The following NTN4 variants were observed in gnomAD, a reference collection of about 807,000 sequenced individuals.
NTN4 encodes netrin 4.
A neutral mutation model predicts 73.6 loss-of-function variants in NTN4; 32 were observed. The ratio of observed to expected loss-of-function variants is 0.44; its 90% CI spans 0.33 to 0.58. The LOEUF is 0.58. Ranked by LOEUF, NTN4 falls within the 20% of genes least tolerant of loss-of-function variation. NTN4 has a pLI of 0.04. For synonymous variants in NTN4, 258 were observed against 287.5 expected (o/e 0.90, Z 1.04); for missense variants, 654 against 798.3 (o/e 0.82, Z 2.18).
At chr12:95,727,789 T>A (rs1451878928) in intron 3 of NTN4, among the ~76,000 whole-genome samples, 1 of 152,202 alleles carries the variant, frequency 6.6e-6, no homozygotes, top group Non-Finnish European at 1.5e-5. Flanking sequence ...GGTCCTTTGC[T>A]TTCCCACCTG....
chr12:95,782,060 T>C (rs1385514681), intron 2 of NTN4, among the ~76,000 whole-genome samples: 1 of 152,210 alleles, frequency 6.6e-6, no homozygotes, highest in Non-Finnish European at 1.5e-5. Flanking sequence ...ACTAATCTCA[T>C]ATGAACTACC....
chr12:95,659,932 T>C (rs995215661), intron 9 of NTN4, among the ~76,000 whole-genome samples: 1 of 152,194 alleles, frequency 6.6e-6, no homozygotes, highest in African/African-American at 2.4e-5. Flanking sequence ...AGGACACTTA[T>C]CATACTGCCC....
intron 2 of NTN4, among the ~76,000 whole-genome samples, chr12:95,783,616 A>G (rs2079147619): frequency 6.6e-6 from 1 of 152,210 alleles, no homozygotes; most frequent in African/African-American, 2.4e-5. Flanking sequence ...ACTTGATTTT[A>G]TGGAACAAAT....
chr12:95,729,846 G>A (rs1000282650), intron 3 of NTN4, among the ~76,000 whole-genome samples: 1 of 152,100 alleles, frequency 6.6e-6, no homozygotes, highest in Non-Finnish European at 1.5e-5. Context: ...GACACGATTT[G>A]TGCACCAGAA....
At chr12:95,691,481 C>T (rs904322497) in intron 5 of NTN4, among the ~76,000 whole-genome samples, 4 of 152,140 alleles carry the variant, frequency 2.6e-5, no homozygotes, top group African/African-American at 4.8e-5. Context: ...CTACAACCTC[C>T]GCCTCCCAGG....
intron 2 of NTN4, among the ~76,000 whole-genome samples, chr12:95,750,770 C>T (rs2078900706): frequency 6.6e-6 from 1 of 152,180 alleles, no homozygotes; most frequent in Non-Finnish European, 1.5e-5. Flanking sequence ...CCCCAGGCTG[C>T]TCCTCGCCAG....
intron 5 of NTN4, among the ~76,000 whole-genome samples, chr12:95,704,641 C>G (rs7305686): frequency 0.11 from 16,417 of 152,040 alleles, 1,468 homozygotes; most frequent in East Asian, 0.56. Context: ...GTAGAGAGTA[C>G]GTAGGTAGAG....
intron 5 of NTN4, among the ~76,000 whole-genome samples, chr12:95,707,723 C>T (rs1249750320): frequency 6.6e-6 from 1 of 152,162 alleles, no homozygotes; most frequent in Non-Finnish European, 1.5e-5. Context: ...GCACCTGGCA[C>T]ATAGTAGGCG....
chr12:95,701,987 C>T (rs527465586), intron 5 of NTN4, among the ~76,000 whole-genome samples: 1 of 152,012 alleles, frequency 6.6e-6, no homozygotes, highest in African/African-American at 2.4e-5. Flanking sequence ...GATTAGAAAG[C>T]TGGACAAACT....
intron 5 of NTN4, among the ~76,000 whole-genome samples, chr12:95,698,395 T>G (rs1449161069): frequency 1.3e-5 from 2 of 152,244 alleles, no homozygotes; most frequent in Non-Finnish European, 2.9e-5. Context: ...TCTAATTGTT[T>G]GCTTGATTAT....
At chr12:95,779,370 C>CAAA (rs1187695788) in intron 2 of NTN4, among the ~76,000 whole-genome samples, 6 of 152,340 alleles carry the variant, frequency 3.9e-5, no homozygotes, top group South Asian at 2.1e-4. Flanking sequence ...CAAATTGTCC[C>CAAA]TGTTTGCAGA....
At chr12:95,694,119 C>A (rs1224901469) in intron 5 of NTN4, among the ~76,000 whole-genome samples, 3 of 152,188 alleles carry the variant, frequency 2.0e-5, no homozygotes, top group African/African-American at 4.8e-5. Flanking sequence ...TGGAATTCAG[C>A]ATCTTACCGC....
chr12:95,786,858 G>T, intron 2 of NTN4, 81 bp downstream of exon 2: 2 of 1,091,160 alleles, frequency 1.8e-6, no homozygotes, highest in Non-Finnish European at 2.7e-6. Context: ...TACAAGTATA[G>T]CTTCATGCTT....
intron 2 of NTN4, among the ~76,000 whole-genome samples, chr12:95,748,230 C>CAAAAAAAAAAAAAAAA (rs769213172): frequency 1.3e-5 from 1 of 76,574 alleles, no homozygotes; most frequent in African/African-American, 5.0e-5. Context: ...GACTCTGTCT[C>CAAAAAAAAAAAAAAAA]AAAAAAAAAA....
chr12:95,727,793 C>T lies in NTN4; in HGVS notation c.864+10073G>A, dbSNP rs563117711. On this transcript the variant is annotated intron_variant, in intron 3 of 9. Transcript: ENST00000343702. ...TGGCTATTTGAGGTCCTTTGCTTTC[C>T]CACCTGAATTTTAGGTTCAGCTGGT... 2.0e-5 allele frequency among the ~76,000 whole-genome samples: 3 copies of T among 152,204 alleles called. No individual in the cohort carries two copies. In the South Asian group the frequency reaches 6.2e-4, roughly 32 times the overall value.
At position 95,786,989 on chromosome 12, in the gene NTN4, C is replaced by G. The variant is rs142996736; in HGVS notation, c.535G>C (p.Ala179Pro). 5 of 1,614,004 alleles carry G rather than the reference C, an allele frequency of 3.1e-6. No homozygotes were observed. Among genetic ancestry groups the G allele is most frequent in the Non-Finnish European group, 4.2e-6 (5 of 1,179,992 alleles). Residue 179 changes from alanine (A) to proline (P), a missense_variant, in exon 2 of 10, where the codon GCT becomes CCT. By Grantham distance (27) the Ala-to-Pro change is conservative (BLOSUM62 -1). Transcript: ENST00000343702. ...CTGGAGTATTTAGAAGTACAAATAGCGCCCTTCTTGACAACATCATCTTCC... is the reference window on the plus strand; with the variant it reads ...CTGGAGTATTTAGAAGTACAAATAGGGCCCTTCTTGACAACATCATCTTCC... ...GLEDDVVKKG[A>P]ICTSKYSSPF...
intron 2 of NTN4, among the ~76,000 whole-genome samples, chr12:95,751,135 C>T (rs1209651608): frequency 2.0e-5 from 3 of 152,194 alleles, no homozygotes; most frequent in Non-Finnish European, 4.4e-5. Flanking sequence ...ACCCAATCTG[C>T]TCCCGACATT....
chr12:95,733,448 T>C (rs1360707796), intron 3 of NTN4, among the ~76,000 whole-genome samples: 1 of 152,210 alleles, frequency 6.6e-6, no homozygotes, highest in Non-Finnish European at 1.5e-5. Flanking sequence ...GCTGAGATAA[T>C]ACAATAGAAT....
At chr12:95,712,787 CTTTTTTTTTTTT>C (rs35614636) in intron 4 of NTN4, among the ~76,000 whole-genome samples, 3 of 105,734 alleles carry the variant, frequency 2.8e-5, no homozygotes, top group African/African-American at 7.5e-5. Context: ...TTCTTTCTTT[CTTTTTTTTTTTT>C]TTTTTTTTTT....
Sources: gnomAD v4.1 joint callset for allele counts (sites outside exome capture counted in the v4.1 genomes callset) on GRCh38, gnomAD v4.1.1 for gene constraint, MANE v1.5 for transcripts, NCBI Gene and HGNC (gene_info 2026-07-23, HGNC 2026-07-21) for gene names.